Variants in FUCA2 observed in about 807,000 individuals in gnomAD.
FUCA2 encodes the protein alpha-L-fucosidase 2.
In FUCA2, 41 loss-of-function variants were observed where a neutral mutation model predicts 52.6. The ratio of observed to expected loss-of-function variants is 0.78; its 90% CI spans 0.61 to 1.01. The LOEUF (loss-of-function observed/expected upper bound fraction) is 1.01, where lower values mean the gene tolerates loss of function less well. Among genes scored for constraint, FUCA2 ranks in the 50% least tolerant of loss-of-function variants. FUCA2 has a pLI of 0.00. For synonymous variants in FUCA2, 211 were observed against 217.3 expected (o/e 0.97, Z 0.26); for missense variants, 507 against 569.5 (o/e 0.89, Z 1.12).
rs1034334965 is a variant in FUCA2, at chr6:143,501,966, G to A, written c.1120C>T (p.Arg374Ter). Residue 374 changes from arginine (R) to a stop codon, truncating the protein, a stop_gained, in exon 5 of 7, where the codon CGA becomes TGA. Transcript: ENST00000002165. LOFTEE classifies it high-confidence loss of function. The surrounding 1 kb of genome is among the most constrained non-coding windows in gnomAD (Gnocchi z 6.1). ...GEAIYETHTW[R>*]SQNDTVTPDV... is the part of the protein sequence containing the mutation. ...GGGGTGACAGTGTCATTCTGGGATCGCCAGGTATGGGTTTCATAAATAGCT... is the reference window on the plus strand; with the variant it reads ...GGGGTGACAGTGTCATTCTGGGATCACCAGGTATGGGTTTCATAAATAGCT... 22 of 1,613,404 alleles carry A rather than the reference G, an allele frequency of 1.4e-5. No homozygotes were observed. The highest frequency in any genetic ancestry group is 4.0e-5 in the African/African-American group (3 of 74,830).
rs1332387242 is a variant in FUCA2, at chr6:143,499,909, C to T, written c.1154+2023G>A. ...AAGGAAAGGAGAGAAATGGGAAGAT[C>T]ACTAGAAATGCAAGTGAAATTGAGT... On this transcript the variant is annotated intron_variant, in intron 5 of 6. Transcript: ENST00000002165. The surrounding 1 kb of genome is among the most constrained non-coding windows in gnomAD (Gnocchi z 6.0). 6.6e-6 allele frequency among the ~76,000 whole-genome samples: 1 copy of T among 152,130 alleles called. No individual in the cohort carries two copies. The highest frequency in any genetic ancestry group is 1.5e-5 in the Non-Finnish European group (1 of 68,032).
In FUCA2 at chr6:143,504,318, C is replaced by G. The variant is rs1019600203; in HGVS notation, c.413-66G>C. 1.5e-6 allele frequency: 2 copies of G among 1,344,798 alleles called. No individual in the cohort carries two copies. The highest frequency in any genetic ancestry group is 1.0e-6 in the Non-Finnish European group (1 of 970,680). The allele number at this position is 1,344,798 out of a possible 1,614,324, so 83.3% of individuals were successfully genotyped here. A position where few individuals can be genotyped will look rare whatever the true frequency, so the allele number is the denominator to read the frequency against. On this transcript the variant is annotated intron_variant, in intron 2 of 6. Transcript: ENST00000002165. The surrounding 1 kb of genome is among the most constrained non-coding windows in gnomAD (Gnocchi z 4.4). ...TTATTTTAGTAAATTTCAACCCACA[C>G]AAATGCCCAAACAAATCACATAGTA...
chr6:143,498,410 G>A (rs1436647668), intron 5 of FUCA2, among the ~76,000 whole-genome samples: 4 of 152,222 alleles, frequency 2.6e-5, no homozygotes, highest in Non-Finnish European at 5.9e-5. Context: ...TAGGAAAGGA[G>A]GGGCCTGGGA....
At chr6:143,498,725 T>C (rs1780496632) in intron 5 of FUCA2, among the ~76,000 whole-genome samples, 2 of 152,036 alleles carry the variant, frequency 1.3e-5, no homozygotes. Flanking sequence ...CTGGAAGCCA[T>C]TGGAGAAATG....
chr6:143,508,339 ACCCC>A (rs1191286940), intron 1 of FUCA2, among the ~76,000 whole-genome samples: 1 of 152,086 alleles, frequency 6.6e-6, no homozygotes, highest in Non-Finnish European at 1.5e-5. Context: ...AATAGATGCA[ACCCC>A]CATTTTTGAC....
At position 143,502,032 on chromosome 6, in the gene FUCA2, G is replaced by A. The variant is rs141914468; in HGVS notation, c.1054C>T (p.Arg352Ter). ...DGTISVVFEE[R>*]LRQMGSWLKV... ...AGCCAGGACCCCATTTGCCTCAGTC[G>A]CTCCTCAAAAACTACAGAAATGGTG... Residue 352 changes from arginine (R) to a stop codon, truncating the protein, a stop_gained, in exon 5 of 7, where the codon CGA becomes TGA. Transcript: ENST00000002165. LOFTEE classifies it high-confidence loss of function. The surrounding 1 kb of genome is among the most constrained non-coding windows in gnomAD (Gnocchi z 4.1). 28 of 1,613,540 alleles carry A rather than the reference G, an allele frequency of 1.7e-5. No individual in the cohort carries two copies. The African/African-American group carries it at 2.7e-4, about 15-fold the overall frequency.
chr6:143,508,566 T>C (rs1780642507), intron 1 of FUCA2, among the ~76,000 whole-genome samples: 1 of 152,196 alleles, frequency 6.6e-6, no homozygotes, highest in South Asian at 2.1e-4. Flanking sequence ...GCGACAGGGA[T>C]GTGAGATCCA....
At chr6:143,498,504 G>A (rs534745294) in intron 5 of FUCA2, among the ~76,000 whole-genome samples, 8 of 152,254 alleles carry the variant, frequency 5.3e-5, no homozygotes, top group Admixed American at 2.6e-4. Flanking sequence ...AGAGCACCAC[G>A]GGAGCGTCTG....
intron 1 of FUCA2, among the ~76,000 whole-genome samples, chr6:143,508,444 G>A (rs1420617007): frequency 6.6e-6 from 1 of 152,196 alleles, no homozygotes; most frequent in East Asian, 1.9e-4. Flanking sequence ...TTCCCAAGAC[G>A]ATCAGGAGAC....
chr6:143,511,372 C>A lies in FUCA2; in HGVS notation c.224+39G>T. The stretch of plus-strand genomic sequence containing the variant: ...GGTGGCTGGAGGCTGCGGGTGGGGA[C>A]AAAAGCGCGGCAGACGAGACAAAAG... On this transcript the variant is annotated intron_variant, in intron 1 of 6. Transcript: ENST00000002165. The surrounding 1 kb of genome is among the most constrained non-coding windows in gnomAD (Gnocchi z 6.3). 2 of 1,552,024 alleles carry A rather than the reference C, an allele frequency of 1.3e-6. No homozygotes were observed. The highest frequency in any genetic ancestry group is 1.8e-6 in the Non-Finnish European group (2 of 1,141,782).
chr6:143,511,570 GGCA>G lies in FUCA2; in HGVS notation c.62_64del (p.Leu21del). 1.9e-6 allele frequency: 3 copies of G among 1,562,844 alleles called. No individual in the cohort carries two copies. The highest frequency in any genetic ancestry group is 2.6e-6 in the Non-Finnish European group (3 of 1,154,388). ...GCTGTGGGCAGGGCACGGCGGCGGC[GGCA>G]GCAGCAGCAACAGCAACAGCAGCAA... On this transcript the variant is annotated inframe_deletion, in exon 1 of 7. Transcript: ENST00000002165. This position sits in a 1 kb window ranked among gnomAD's most constrained non-coding sequence, Gnocchi z 6.3.
At chr6:143,505,058 G>C (rs970808070) in intron 2 of FUCA2, 2 of 152,018 alleles carry the variant, frequency 1.3e-5, no homozygotes, top group Non-Finnish European at 2.9e-5. Context: ...GTTTTTAAGA[G>C]GAATTTGTAT....
Position 143,501,346 on chromosome 6 carries a change from G to T in FUCA2, c.1154+586C>A, listed in dbSNP as rs570143844. ...GGTGGCAACTGAAAGCGAATTTTTAGAACTTCACCAATACTCATCTTATTT... is the reference window on the plus strand; with the variant it reads ...GGTGGCAACTGAAAGCGAATTTTTATAACTTCACCAATACTCATCTTATTT... On this transcript the variant is annotated intron_variant, in intron 5 of 6. Coordinates refer to ENST00000002165, the MANE Select transcript of FUCA2 (RefSeq NM_032020.5). The surrounding 1 kb of genome is among the most constrained non-coding windows in gnomAD (Gnocchi z 6.1). Among the ~76,000 whole-genome samples, 1 of 152,176 alleles carries T rather than the reference G, an allele frequency of 6.6e-6. No homozygotes were observed.
rs1057324952 is a variant in FUCA2, at chr6:143,501,143, G to A, written c.1154+789C>T. 1.4e-4 allele frequency among the ~76,000 whole-genome samples: 22 copies of A among 152,162 alleles called. No homozygotes were observed. The highest frequency in any genetic ancestry group is 5.3e-4 in the African/African-American group (22 of 41,434). ...CTCTGTCACATGAGAGATTGGTATT[G>A]AGTTCTCATTATGGCTTCTCCCAGA... On this transcript the variant is annotated intron_variant, in intron 5 of 6. Coordinates refer to ENST00000002165, the MANE Select transcript of FUCA2 (RefSeq NM_032020.5). This position sits in a 1 kb window ranked among gnomAD's most constrained non-coding sequence, Gnocchi z 6.1.
rs550063781 is a variant in FUCA2, at chr6:143,501,893, T to A, written c.1154+39A>T. The A allele has an allele frequency of 1.0e-5, 16 of 1,532,082 alleles. No individual in the cohort carries two copies. The South Asian group carries it at 1.6e-4, about 15-fold the overall frequency. The allele number at this position is 1,532,082 out of a possible 1,614,324, so 94.9% of individuals were successfully genotyped here. A position where few individuals can be genotyped will look rare whatever the true frequency, so the allele number is the denominator to read the frequency against. The stretch of plus-strand genomic sequence containing the variant: ...TATGTCTGATAAATTTTAAATCTCT[T>A]CCTTTATAAAAGAGTACTTGGTAAC... On this transcript the variant is annotated intron_variant, in intron 5 of 6. Coordinates refer to ENST00000002165, the MANE Select transcript of FUCA2 (RefSeq NM_032020.5). This position sits in a 1 kb window ranked among gnomAD's most constrained non-coding sequence, Gnocchi z 6.1.
chr6:143,507,367 G>A lies in FUCA2; in HGVS notation c.282C>T (p.Tyr94=), dbSNP rs1403373009. The A allele has an allele frequency of 1.2e-6, 2 of 1,605,462 alleles. No homozygotes were observed. Among genetic ancestry groups the A allele is most frequent in the Non-Finnish European group, 1.7e-6 (2 of 1,177,922 alleles). Residue 94 remains tyrosine (Y), a synonymous_variant, in exon 2 of 7, where the codon TAC becomes TAT. Coordinates refer to ENST00000002165, the MANE Select transcript of FUCA2 (RefSeq NM_032020.5). The surrounding 1 kb of genome is among the most constrained non-coding windows in gnomAD (Gnocchi z 4.5). ...PKYVEFMKDN[Y]PPSFKYEDFG... ...AATCTTCATATTTGAAACTAGGAGG[G>A]TAATTATCTTTCATAAATTCCACAT...
In FUCA2 at chr6:143,495,483, C is replaced by T. The variant is rs899687262; in HGVS notation, c.*224G>A. ...CTCACCTCTGAGTCACACATGGAAA[C>T]AAATCAATGTGAAGAGACTTTAATG... On this transcript the variant is annotated 3_prime_UTR_variant, in exon 7 of 7. Coordinates refer to ENST00000002165, the MANE Select transcript of FUCA2 (RefSeq NM_032020.5). This position sits in a 1 kb window ranked among gnomAD's most constrained non-coding sequence, Gnocchi z 5.2. 1.8e-5 allele frequency: 8 copies of T among 438,720 alleles called. No individual in the cohort carries two copies. Among genetic ancestry groups the T allele is most frequent in the Non-Finnish European group, 3.2e-5 (8 of 248,030 alleles). The allele number at this position is 438,720 out of a possible 1,614,324, so 27.2% of individuals were successfully genotyped here.
Position 143,495,641 on chromosome 6 carries a change from A to G in FUCA2, c.*66T>C, listed in dbSNP as rs1780446788. 6.8e-7 allele frequency: 1 copy of G among 1,480,076 alleles called. No homozygotes were observed. Among genetic ancestry groups the G allele is most frequent in the Non-Finnish European group, 9.2e-7 (1 of 1,089,578 alleles). 91.7% of individuals were successfully genotyped at this position (1,480,076 alleles called of 1,614,324 possible). ...TACATTTGCTTTCTCCATGTGCTAC[A>G]ATTATAGACACCTGATAGTTCCTAG... is the stretch of plus-strand genomic sequence containing the variant. On this transcript the variant is annotated 3_prime_UTR_variant, in exon 7 of 7. Transcript: ENST00000002165. This position sits in a 1 kb window ranked among gnomAD's most constrained non-coding sequence, Gnocchi z 5.2.
chr6:143,501,905 G>T lies in FUCA2; in HGVS notation c.1154+27C>A. ...ATTTTAAATCTCTTCCTTTATAAAAGAGTACTTGGTAACAAGAATGACTTA... is the reference window on the plus strand; with the variant it reads ...ATTTTAAATCTCTTCCTTTATAAAATAGTACTTGGTAACAAGAATGACTTA... On this transcript the variant is annotated intron_variant, in intron 5 of 6. Coordinates refer to ENST00000002165, the MANE Select transcript of FUCA2 (RefSeq NM_032020.5). This position sits in a 1 kb window ranked among gnomAD's most constrained non-coding sequence, Gnocchi z 6.1. 1 of 1,571,428 alleles carries T rather than the reference G, an allele frequency of 6.4e-7. No individual in the cohort carries two copies. Among genetic ancestry groups the T allele is most frequent in the Non-Finnish European group, 8.7e-7 (1 of 1,151,628 alleles).
Sources: gnomAD v4.1 joint callset for allele counts (sites outside exome capture counted in the v4.1 genomes callset) on GRCh38, gnomAD v4.1.1 for gene constraint, Gnocchi (gnomAD v3.1) non-coding constraint, MANE v1.5 for transcripts, NCBI Gene and HGNC (gene_info 2026-07-23, HGNC 2026-07-21) for gene names.